The following GPC6 variants were observed in gnomAD, a reference collection of about 807,000 sequenced individuals.
GPC6 encodes the protein glypican 6.
Under a neutral mutation model 55.2 loss-of-function variants are expected in GPC6, and 14 were observed. The observed-to-expected ratio is 0.25, with a 90% CI of 0.17 to 0.40. The LOEUF is 0.40. Ranked by LOEUF, GPC6 falls within the 10% of genes least tolerant of loss-of-function variation. The pLI, the probability that GPC6 is intolerant of heterozygous loss-of-function variation, is 1.00. For missense variants in GPC6, 641 were observed against 708.5 expected (o/e 0.90, Z 1.08); for synonymous variants, 278 against 259.6 (o/e 1.07, Z -0.68).
In GPC6 at chr13:93,820,255, C is replaced by T. The variant is rs1290493549; in HGVS notation, c.320-9899C>T. Among the ~76,000 whole-genome samples, 3 of 152,032 alleles carry T rather than the reference C, an allele frequency of 2.0e-5. No homozygotes were observed. The East Asian group carries it at 5.8e-4, about 29-fold the overall frequency. On this transcript the variant is annotated intron_variant, in intron 2 of 8. Transcript: ENST00000377047. ...TGATGTACAATTGTCCTGAATAATG[C>T]ATTAAAATACATTATTATATTCTTG... is the stretch of plus-strand genomic sequence containing the variant.
chr13:93,269,031 G>A (rs954169766), intron 1 of GPC6, among the ~76,000 whole-genome samples: 8 of 151,996 alleles, frequency 5.3e-5, no homozygotes, highest in African/African-American at 1.7e-4. Context: ...CTCACACTTA[G>A]TTGAAACAAA....
intron 7 of GPC6, among the ~76,000 whole-genome samples, chr13:94,385,287 T>C (rs1352194931): frequency 2.7e-5 from 4 of 150,594 alleles, no homozygotes; most frequent in Non-Finnish European, 4.4e-5. Flanking sequence ...AAAGGTACAG[T>C]GACTGGGGTG....
chr13:94,286,821 C>T (rs1488895822), intron 5 of GPC6, among the ~76,000 whole-genome samples: 1 of 152,160 alleles, frequency 6.6e-6, no homozygotes, highest in Non-Finnish European at 1.5e-5. Flanking sequence ...ACACCCTCGC[C>T]CTGTTCTCTG....
chr13:93,810,444 G>T (rs1410781998), intron 2 of GPC6, among the ~76,000 whole-genome samples: 1 of 152,184 alleles, frequency 6.6e-6, no homozygotes, highest in Non-Finnish European at 1.5e-5. Context: ...TGGCTTTAAA[G>T]TTGCTTTTGT....
At chr13:93,276,379 C>CCTTTTAA (rs1877736869) in intron 1 of GPC6, among the ~76,000 whole-genome samples, 1 of 151,278 alleles carries the variant, frequency 6.6e-6, no homozygotes, top group African/African-American at 2.4e-5. Context: ...AACAAGGATC[C>CCTTTTAA]CTTTTAACTC....
chr13:93,218,035 C>G, the GPC6 span, among the ~76,000 whole-genome samples: 2 of 151,298 alleles, frequency 1.3e-5, no homozygotes, highest in South Asian at 4.2e-4. Context: ...CCGCCTGTTT[C>G]TATGCTTGCT....
rs1437093224 is a variant in GPC6, at chr13:94,406,383, T to G, written c.*3166T>G. Reference sequence around the variant, plus strand: ...GTATTGAAGGACAACCATGACAACCTTCTGTCATTTTCACGAAGGCCAAGT... The same window carrying G: ...GTATTGAAGGACAACCATGACAACCGTCTGTCATTTTCACGAAGGCCAAGT... On this transcript the variant is annotated 3_prime_UTR_variant, in exon 9 of 9. Transcript: ENST00000377047. 2.0e-5 allele frequency: 3 copies of G among 152,114 alleles called. No individual in the cohort carries two copies. The highest frequency in any genetic ancestry group is 4.4e-5 in the Non-Finnish European group (3 of 67,952). 9.4% of individuals were successfully genotyped at this position (152,114 alleles called of 1,614,324 possible).
chr13:94,359,031 G>A (rs1009211130), intron 6 of GPC6, among the ~76,000 whole-genome samples: 2 of 152,052 alleles, frequency 1.3e-5, no homozygotes, highest in Non-Finnish European at 1.5e-5. Context: ...CTTTCCTCTC[G>A]ACCATATAAA....
At chr13:94,339,098 T>C (rs1877883216) in intron 6 of GPC6, among the ~76,000 whole-genome samples, 1 of 152,056 alleles carries the variant, frequency 6.6e-6, no homozygotes, top group South Asian at 2.1e-4. Context: ...GGGGTCTTGC[T>C]CTGTCATCCA....
chr13:93,558,553 T>C (rs1008244087), intron 2 of GPC6, among the ~76,000 whole-genome samples: 15 of 152,322 alleles, frequency 9.8e-5, no homozygotes, highest in African/African-American at 3.1e-4. Flanking sequence ...GATACAGTGA[T>C]ACAGAGGATA....
chr13:93,882,243 C>T (rs1042674277), intron 3 of GPC6, among the ~76,000 whole-genome samples: 5 of 151,962 alleles, frequency 3.3e-5, no homozygotes, highest in African/African-American at 1.2e-4. Context: ...CAGCCTTGAC[C>T]TTCCAGACTC....
chr13:93,271,971 A>T (rs915501495), intron 1 of GPC6, among the ~76,000 whole-genome samples: 3 of 152,160 alleles, frequency 2.0e-5, no homozygotes, highest in Non-Finnish European at 1.5e-5. Context: ...AAACTATATG[A>T]CATTACATCT....
intron 5 of GPC6, among the ~76,000 whole-genome samples, chr13:94,304,158 G>T (rs1445298561): frequency 6.6e-6 from 1 of 152,162 alleles, no homozygotes; most frequent in Non-Finnish European, 1.5e-5. Context: ...TTATCACATC[G>T]GTTTACACCA....
intron 1 of GPC6, among the ~76,000 whole-genome samples, chr13:93,319,351 A>G (rs1326855957): frequency 6.6e-6 from 1 of 152,178 alleles, no homozygotes; most frequent in African/African-American, 2.4e-5. Flanking sequence ...CAAGAAGGGG[A>G]AAAACCCACT....
rs183921034 is a variant in GPC6 at position 94,308,409 on chromosome 13, C to T, written c.1152+2286C>T. Among the ~76,000 whole-genome samples, 906 of 152,240 alleles carry T rather than the reference C, an allele frequency of 6.0e-3. 3 individuals are homozygous for T. The highest frequency in any genetic ancestry group is 9.6e-3 in the Non-Finnish European group (653 of 68,032). On this transcript the variant is annotated intron_variant, in intron 6 of 8. Transcript: ENST00000377047. ...CAAAATGCTCTAGCTATAAAGGTCTCGAGAGTATAGACAAGTAGCAAACAG... is the reference window on the plus strand; with the variant it reads ...CAAAATGCTCTAGCTATAAAGGTCTTGAGAGTATAGACAAGTAGCAAACAG...
chr13:93,533,669 T>C (rs1012227505), intron 1 of GPC6, among the ~76,000 whole-genome samples: 1 of 152,126 alleles, frequency 6.6e-6, no homozygotes, highest in Admixed American at 6.5e-5. Flanking sequence ...CTGGTTTTTA[T>C]TGGGGTGTAG....
At chr13:94,156,663 G>A (rs1338525401) in intron 4 of GPC6, among the ~76,000 whole-genome samples, 1 of 152,178 alleles carries the variant, frequency 6.6e-6, no homozygotes, top group Admixed American at 6.5e-5. Flanking sequence ...GGACAAATCA[G>A]TACAGGGCTC....
chr13:94,116,386 T>C (rs1886428726), intron 4 of GPC6, among the ~76,000 whole-genome samples: 1 of 152,044 alleles, frequency 6.6e-6, no homozygotes, highest in Admixed American at 6.6e-5. Flanking sequence ...GAAGTCCCAA[T>C]TGTCATATGT....
intron 3 of GPC6, among the ~76,000 whole-genome samples, chr13:93,887,553 T>C (rs1594558612): frequency 6.6e-6 from 1 of 152,090 alleles, no homozygotes; most frequent in African/African-American, 2.4e-5. Flanking sequence ...TAATACCTCT[T>C]ATCAGTGCAG....
Sources: gnomAD v4.1 joint callset for allele counts (sites outside exome capture counted in the v4.1 genomes callset) on GRCh38, gnomAD v4.1.1 for gene constraint, MANE v1.5 for transcripts, NCBI Gene and HGNC (gene_info 2026-07-23, HGNC 2026-07-21) for gene names.